PRKN: variants seen among roughly 807,000 people sequenced by gnomAD.
PRKN encodes E3 ubiquitin-protein ligase parkin.
Under a neutral mutation model 59.5 loss-of-function variants are expected in PRKN, and 56 were observed. That is an observed-to-expected ratio of 0.94 (90% confidence interval 0.76 to 1.18). The LOEUF is 1.18. Ranked by LOEUF, PRKN falls within the 50% of genes most tolerant of loss-of-function variation. The pLI, the probability that PRKN is intolerant of heterozygous loss-of-function variation, is 0.00. For missense variants in PRKN, 657 were observed against 596.4 expected, an observed-to-expected ratio of 1.10 and a Z score of -1.06; for synonymous variants, 250 against 222.1, an observed-to-expected ratio of 1.13 and a Z score of -1.12.
Position 161,369,825 on chromosome 6 carries a change from A to G in PRKN, c.1168-9620T>C, listed in dbSNP as rs1785368526. 3 of 202,358 alleles carry G rather than the reference A, an allele frequency of 1.5e-5. No homozygotes were observed. The highest frequency in any genetic ancestry group is 3.3e-5 in the Non-Finnish European group (3 of 90,710). 12.5% of individuals were successfully genotyped at this position (202,358 alleles called of 1,614,324 possible). ...TATTTCATATGATTATAGGAAATATATTTCATATACATATAGAGAGAGACA... is the reference window on the plus strand; with the variant it reads ...TATTTCATATGATTATAGGAAATATGTTTCATATACATATAGAGAGAGACA... On this transcript the variant is annotated intron_variant, in intron 10 of 11. Transcript: ENST00000366898. This position sits in a 1 kb window ranked among gnomAD's most constrained non-coding sequence, Gnocchi z 5.8.
intron 4 of PRKN, among the ~76,000 whole-genome samples, chr6:162,158,909 G>A (rs543295333): frequency 1.3e-5 from 2 of 152,044 alleles, no homozygotes; most frequent in East Asian, 3.9e-4. Flanking sequence ...GCTCTATAGT[G>A]TTCACATTAC....
chr6:162,714,691 T>G (rs1432931005), intron 1 of PRKN, among the ~76,000 whole-genome samples: 1 of 152,202 alleles, frequency 6.6e-6, no homozygotes, highest in Admixed American at 6.5e-5. Flanking sequence ...TGAGCATATG[T>G]TTCTACTGAG....
intron 2 of PRKN, among the ~76,000 whole-genome samples, chr6:162,426,448 A>G (rs1789241924): frequency 1.3e-5 from 2 of 152,156 alleles, no homozygotes; most frequent in South Asian, 4.1e-4. Context: ...CCTATATTTA[A>G]AAACTAATTT....
chr6:161,550,791 C>A lies in PRKN; in HGVS notation c.934-1788G>T, dbSNP rs900717627. On this transcript the variant is annotated intron_variant, in intron 8 of 11. Transcript: ENST00000366898. The surrounding 1 kb of genome is among the most constrained non-coding windows in gnomAD (Gnocchi z 4.0). ...GAGTTGAGGCATGAAATAATTATTT[C>A]TATTGTGCTCGTGTTCAGTTTGATA... Among the ~76,000 whole-genome samples the A allele has an allele frequency of 1.4e-5, 2 of 147,836 alleles. No homozygotes were observed. Among genetic ancestry groups the A allele is most frequent in the Non-Finnish European group, 3.0e-5 (2 of 66,136 alleles).
At chr6:162,352,306 C>T (rs970064516) in intron 2 of PRKN, among the ~76,000 whole-genome samples, 13 of 152,246 alleles carry the variant, frequency 8.5e-5, no homozygotes, top group African/African-American at 2.9e-4. Context: ...AGGCAGATTA[C>T]GGCAGGTTGT....
intron 7 of PRKN, among the ~76,000 whole-genome samples, chr6:161,749,044 G>A (rs961343398): frequency 1.3e-5 from 2 of 152,180 alleles, no homozygotes; most frequent in Non-Finnish European, 2.9e-5. Flanking sequence ...GCAAAACCAA[G>A]GGGAGGGGGT....
At position 162,341,901 on chromosome 6, in the gene PRKN, AT is replaced by A. The variant is rs200287299; in HGVS notation, c.172-79137del. On this transcript the variant is annotated intron_variant, in intron 2 of 11. Transcript: ENST00000366898. The stretch of plus-strand genomic sequence containing the variant: ...GTACATGTATACCACAACCTAATGT[AT>A]TAAAAAAAAAAAAACTCCTGGTGTC... Among the ~76,000 whole-genome samples the A allele has an allele frequency of 2.1e-3, 311 of 148,588 alleles. 2 individuals are homozygous for A. The highest frequency in any genetic ancestry group is 7.2e-3 in the African/African-American group (292 of 40,738).
In PRKN at chr6:161,907,201, T is replaced by G. The variant is rs537676842; in HGVS notation, c.734+66101A>C. ...CTTATGGATAAAGGATACACTTCTG[T>G]ATTTCATTTTGGAGAACATTATTTC... On this transcript the variant is annotated intron_variant, in intron 6 of 11. Coordinates refer to ENST00000366898, the MANE Select transcript of PRKN (RefSeq NM_004562.3). Among the ~76,000 whole-genome samples, 7 of 152,328 alleles carry G rather than the reference T, an allele frequency of 4.6e-5. No individual in the cohort carries two copies. In the South Asian group the frequency reaches 1.4e-3, roughly 32 times the overall value.
chr6:161,965,347 T>C (rs1780536960), intron 6 of PRKN, among the ~76,000 whole-genome samples: 1 of 152,106 alleles, frequency 6.6e-6, no homozygotes, highest in African/African-American at 2.4e-5. Flanking sequence ...AACAGATTTT[T>C]AAATTTAATG....
chr6:161,349,525 G>A lies in PRKN; in HGVS notation c.*574C>T, dbSNP rs1428065358. On this transcript the variant is annotated 3_prime_UTR_variant, in exon 12 of 12. Coordinates refer to ENST00000366898, the MANE Select transcript of PRKN (RefSeq NM_004562.3). The surrounding 1 kb of genome is among the most constrained non-coding windows in gnomAD (Gnocchi z 5.5). ...AACAAATGTTTTTGACTATTGCCTG[G>A]GGTTCTTTGGGAATAGATGCTTTCT... The A allele has an allele frequency of 8.6e-6, 2 of 233,796 alleles. No individual in the cohort carries two copies. The highest frequency in any genetic ancestry group is 5.5e-5 in the Admixed American group (1 of 18,074). The allele number at this position is 233,796 out of a possible 1,614,324, so 14.5% of individuals were successfully genotyped here.
chr6:161,805,161 C>T (rs566120460), intron 6 of PRKN, among the ~76,000 whole-genome samples: 120 of 152,270 alleles, frequency 7.9e-4, no homozygotes, highest in Middle Eastern at 3.4e-3. Flanking sequence ...GCCTGGGCTA[C>T]TGTAGAAACA....
intron 4 of PRKN, among the ~76,000 whole-genome samples, chr6:162,178,985 C>T (rs1019826833): frequency 6.6e-6 from 1 of 152,156 alleles, no homozygotes; most frequent in African/African-American, 2.4e-5. Flanking sequence ...GATCCTCCCA[C>T]CTTTGCCTCT....
chr6:161,457,458 G>A lies in PRKN; in HGVS notation c.1084-70581C>T, dbSNP rs1790024942. ...CTAATTGCCCTACAATGATACAACT[G>A]TATTCTGAAAGGATACATGGATGTC... is the stretch of plus-strand genomic sequence containing the variant. On this transcript the variant is annotated intron_variant, in intron 9 of 11. Coordinates refer to ENST00000366898, the MANE Select transcript of PRKN (RefSeq NM_004562.3). This position sits in a 1 kb window ranked among gnomAD's most constrained non-coding sequence, Gnocchi z 5.0. Among the ~76,000 whole-genome samples the A allele has an allele frequency of 6.6e-6, 1 of 152,124 alleles. No homozygotes were observed. Among genetic ancestry groups the A allele is most frequent in the African/African-American group, 2.4e-5 (1 of 41,422 alleles).
intron 1 of PRKN, among the ~76,000 whole-genome samples, chr6:162,499,101 C>G (rs1324161441): frequency 6.6e-6 from 1 of 152,122 alleles, no homozygotes; most frequent in Non-Finnish European, 1.5e-5. Context: ...CTGCGGGATA[C>G]GTAAGTTCTT....
At chr6:162,264,000 G>A (rs144214970) in intron 2 of PRKN, among the ~76,000 whole-genome samples, 2 of 152,118 alleles carry the variant, frequency 1.3e-5, no homozygotes, top group South Asian at 2.1e-4. Context: ...GTGGCCGGCC[G>A]CAGTGGCTCA....
chr6:161,990,315 C>T (rs945130641), intron 5 of PRKN, among the ~76,000 whole-genome samples: 2 of 152,194 alleles, frequency 1.3e-5, no homozygotes, highest in Admixed American at 6.5e-5. Flanking sequence ...TGAGACATTA[C>T]ACTGCTGTGC....
intron 3 of PRKN, among the ~76,000 whole-genome samples, chr6:162,253,973 A>G (rs74938366): frequency 0.022 from 3,412 of 152,226 alleles, 99 homozygotes; most frequent in South Asian, 0.063. Flanking sequence ...AATCTGTGAA[A>G]ACTTTCAAAT....
At chr6:162,228,864 A>T (rs1317633214) in intron 3 of PRKN, among the ~76,000 whole-genome samples, 1 of 152,156 alleles carries the variant, frequency 6.6e-6, no homozygotes, top group Admixed American at 6.5e-5. Context: ...CTCAAGTACC[A>T]TCACTAAGAA....
intron 7 of PRKN, among the ~76,000 whole-genome samples, chr6:161,750,110 T>C (rs1015623677): frequency 0.067 from 6,972 of 103,882 alleles, 550 homozygotes; most frequent in African/African-American, 0.22. Context: ...TATATATATA[T>C]ATATATATAC....
Sources: gnomAD v4.1 joint callset for allele counts (sites outside exome capture counted in the v4.1 genomes callset) on GRCh38, gnomAD v4.1.1 for gene constraint, Gnocchi (gnomAD v3.1) non-coding constraint, MANE v1.5 for transcripts, NCBI Gene and HGNC (gene_info 2026-07-23, HGNC 2026-07-21) for gene names.